FAT3: variants seen among roughly 807,000 people sequenced by gnomAD.
FAT3 encodes the protein FAT atypical cadherin 3, also known as protocadherin Fat 3.
Under a neutral mutation model 310.2 loss-of-function variants are expected in FAT3, and 95 were observed. The observed-to-expected ratio is 0.31, with a 90% confidence interval of 0.26 to 0.36. FAT3 has a LOEUF of 0.36. Among genes scored for constraint, FAT3 ranks in the 10% least tolerant of loss-of-function variants. FAT3 has a pLI of 1.00. For missense variants in FAT3, 5,408 were observed against 5,715.6 expected (o/e 0.95, Z 1.74); for synonymous variants, 2,314 against 2,192.9 (o/e 1.06, Z -1.54).
chr11:92,840,624 C>A lies in FAT3; in HGVS notation c.10431C>A (p.His3477Gln). 1 of 1,612,158 alleles carries A rather than the reference C, an allele frequency of 6.2e-7. No homozygotes were observed. The highest frequency in any genetic ancestry group is 2.2e-5 in the East Asian group (1 of 44,846). Residue 3477 changes from histidine to glutamine, a missense_variant, in exon 18 of 28, where the codon CAC becomes CAA. Around this residue, in one of 5 missense-constraint regions of FAT3, gnomAD observed 4,588 missense variants for 4,809.8 expected, o/e 0.95. Coordinates refer to ENST00000525166, the MANE Select transcript of FAT3 (RefSeq NM_001367949.2). ...TGGTGACAGACAGAGACTCCTTTCA[C>A]AATGGGCCTCCCTTTTCATTCTCTA... ...QLVVTDRDSF[H>Q]NGPPFSFSIL...
chr11:92,882,683 A>G (rs2136406727), intron 23 of FAT3, 55 bp from the exon 24 acceptor site: 1 of 1,507,050 alleles, frequency 6.6e-7, no homozygotes, highest in Non-Finnish European at 8.9e-7. Context: ...GTTCCCGTAT[A>G]CCAACGTGTG....
At chr11:92,779,554 A>G (rs546886827) in intron 7 of FAT3, among the ~76,000 whole-genome samples, 2 of 152,300 alleles carry the variant, frequency 1.3e-5, no homozygotes, top group African/African-American at 2.4e-5. Flanking sequence ...GTGTTTACAT[A>G]TATTTATCCT....
chr11:92,716,366 T>C (rs1001895828), intron 4 of FAT3, among the ~76,000 whole-genome samples: 1 of 152,132 alleles, frequency 6.6e-6, no homozygotes, highest in Non-Finnish European at 1.5e-5. Context: ...TGCTAGCAAC[T>C]GACTGCCTAA....
Position 92,844,733 on chromosome 11 carries a change from G to A in FAT3, c.11365+1G>A, listed in dbSNP as rs1357058830. ...AGGAACGTGCGTTGCACCTGCAATGGTGAGTGCAGTTTTGAGTGTTCCCTC... is the reference window on the plus strand; with the variant it reads ...AGGAACGTGCGTTGCACCTGCAATGATGAGTGCAGTTTTGAGTGTTCCCTC... On this transcript the variant is annotated splice_donor_variant, in intron 19 of 27. Coordinates refer to ENST00000525166, the MANE Select transcript of FAT3 (RefSeq NM_001367949.2). LOFTEE classifies it high-confidence loss of function. 6.6e-7 allele frequency: 1 copy of A among 1,514,926 alleles called. No homozygotes were observed. The highest frequency in any genetic ancestry group is 1.3e-5 in the South Asian group (1 of 77,358). 93.8% of individuals were successfully genotyped at this position (1,514,926 alleles called of 1,614,324 possible). A position where few individuals can be genotyped will look rare whatever the true frequency, so the allele number is the denominator to read the frequency against.
At chr11:92,323,453 A>G (rs930930549) in intron 1 of FAT3, among the ~76,000 whole-genome samples, 4 of 151,942 alleles carry the variant, frequency 2.6e-5, no homozygotes, top group Non-Finnish European at 5.9e-5. Context: ...GGATCTTTCT[A>G]TGTTGCCCAG....
chr11:92,729,832 T>A (rs1039016823), intron 4 of FAT3, among the ~76,000 whole-genome samples: 8 of 151,808 alleles, frequency 5.3e-5, no homozygotes, highest in African/African-American at 1.2e-4. Context: ...AAATTTAATT[T>A]AAAAAAAACA....
At chr11:92,551,180 A>G (rs1954802634) in intron 3 of FAT3, among the ~76,000 whole-genome samples, 1 of 152,076 alleles carries the variant, frequency 6.6e-6, no homozygotes, top group South Asian at 2.1e-4. Flanking sequence ...TACCTCAATT[A>G]CAGCAGGTAT....
intron 3 of FAT3, among the ~76,000 whole-genome samples, chr11:92,569,318 G>A (rs1955587365): frequency 6.6e-6 from 1 of 152,178 alleles, no homozygotes; most frequent in African/African-American, 2.4e-5. Context: ...GGAAGTGCAT[G>A]CAAAGCCCTC....
Position 92,354,333 on chromosome 11 carries a change from G to A in FAT3, c.2221G>A (p.Val741Ile), listed in dbSNP as rs777308643. ...SDVAVKEDLPVGANILKIKAY... is the reference protein window; with the variant it reads ...SDVAVKEDLPIGANILKIKAY... ...TGTGGCTGTAAAGGAGGATCTGCCA[G>A]TTGGTGCTAACATTCTGAAGATTAA... Residue 741 changes from valine to isoleucine, a missense_variant, in exon 2 of 28, where the codon GTT (valine) becomes ATT (isoleucine). Around this residue, in one of 5 missense-constraint regions of FAT3, gnomAD observed 4,588 missense variants for 4,809.8 expected, o/e 0.95. Coordinates refer to ENST00000525166, the MANE Select transcript of FAT3 (RefSeq NM_001367949.2). 2 of 1,613,710 alleles carry A rather than the reference G, an allele frequency of 1.2e-6. No individual in the cohort carries two copies. The highest frequency in any genetic ancestry group is 2.7e-5 in the African/African-American group (2 of 74,914).
intron 2 of FAT3, among the ~76,000 whole-genome samples, chr11:92,481,576 G>T (rs1952228560): frequency 6.6e-6 from 1 of 152,122 alleles, no homozygotes; most frequent in Non-Finnish European, 1.5e-5. Flanking sequence ...TATTGCATTG[G>T]TTCAGATAAT....
In FAT3 at chr11:92,511,100, C is replaced by T. The variant is rs150367542; in HGVS notation, c.3293-13534C>T. Among the ~76,000 whole-genome samples, 295 of 152,320 alleles carry T rather than the reference C, an allele frequency of 1.9e-3. 1 individual carries two copies. Among genetic ancestry groups the T allele is most frequent in the African/African-American group, 6.7e-3 (280 of 41,572 alleles). Reference sequence around the variant, plus strand: ...AAGTGCATGATAAAATCAGCTAATGCCTTCATCAAACTATGTCTTTGCTTC... The same window carrying T: ...AAGTGCATGATAAAATCAGCTAATGTCTTCATCAAACTATGTCTTTGCTTC... On this transcript the variant is annotated intron_variant, in intron 2 of 27. Transcript: ENST00000525166.
chr11:92,264,034 T>G (rs1038185281), intron 1 of FAT3, among the ~76,000 whole-genome samples: 2 of 152,150 alleles, frequency 1.3e-5, no homozygotes, highest in Admixed American at 1.3e-4. Flanking sequence ...AATTTACCTA[T>G]AGACATGTAG....
At chr11:92,403,997 T>C (rs1950082655) in intron 2 of FAT3, among the ~76,000 whole-genome samples, 2 of 151,590 alleles carry the variant, frequency 1.3e-5, no homozygotes, top group Non-Finnish European at 2.9e-5. Flanking sequence ...ATTGTGCCAC[T>C]GCACTCCAGC....
chr11:92,668,259 C>T (rs981620536), intron 3 of FAT3, among the ~76,000 whole-genome samples: 2 of 152,180 alleles, frequency 1.3e-5, no homozygotes, highest in Non-Finnish European at 2.9e-5. Flanking sequence ...TAATAGGGCT[C>T]AATTCTGTTA....
intron 2 of FAT3, among the ~76,000 whole-genome samples, chr11:92,367,736 C>G (rs1949065703): frequency 6.6e-6 from 1 of 152,224 alleles, no homozygotes; most frequent in Non-Finnish European, 1.5e-5. Flanking sequence ...ACTGATCATT[C>G]ATCATGTTCC....
rs78456707 is a variant in FAT3, at chr11:92,686,336, T to G, written c.3608-11048T>G. ...AAAGACCTGCTTGGACAGATTCTAA[T>G]GAATAGTTACATAGGCTGTTTGCAA... On this transcript the variant is annotated intron_variant, in intron 3 of 27. Coordinates refer to ENST00000525166, the MANE Select transcript of FAT3 (RefSeq NM_001367949.2). 5.5e-3 allele frequency among the ~76,000 whole-genome samples: 838 copies of G among 152,328 alleles called. 5 individuals carry two copies. The highest frequency in any genetic ancestry group is 0.019 in the African/African-American group (802 of 41,568).
intron 3 of FAT3, among the ~76,000 whole-genome samples, chr11:92,635,967 T>A (rs895645667): frequency 2.6e-5 from 4 of 152,126 alleles, no homozygotes; most frequent in Non-Finnish European, 5.9e-5. Flanking sequence ...TGTTTTGTTT[T>A]GTTTTTGTTT....
Position 92,374,030 on chromosome 11 carries a change from G to GGGGAGA in FAT3, c.3292+18627_3292+18628insGGAGAG, listed in dbSNP as rs149616749. Among the ~76,000 whole-genome samples, 147 of 142,236 alleles carry GGGGAGA rather than the reference G, an allele frequency of 1.0e-3. 1 individual carries two copies. The highest frequency in any genetic ancestry group is 3.6e-3 in the African/African-American group (136 of 37,494). 93.3% of individuals were successfully genotyped at this position (142,236 alleles called of 152,430 possible). A position where few individuals can be genotyped will look rare whatever the true frequency, so the allele number is the denominator to read the frequency against. On this transcript the variant is annotated intron_variant, in intron 2 of 27. Coordinates refer to ENST00000525166, the MANE Select transcript of FAT3 (RefSeq NM_001367949.2). Reference sequence around the variant, plus strand: ...CCAAAGGACTCTCAGACAGAGAGAGGGAGAGAGAGAGAGAGAGAGAGAGAG... The same window carrying GGGGAGA: ...CCAAAGGACTCTCAGACAGAGAGAGGGGGAGAGAGAGAGAGAGAGAGAGAGAGAGAG...
At chr11:92,547,585 G>C (rs972417384) in intron 3 of FAT3, among the ~76,000 whole-genome samples, 1 of 152,118 alleles carries the variant, frequency 6.6e-6, no homozygotes, top group East Asian at 1.9e-4. Context: ...ACCAGCACGA[G>C]GTAGAGGGAG....
Sources: allele counts gnomAD v4.1 joint callset (sites outside exome capture counted in the v4.1 genomes callset), GRCh38; gene constraint gnomAD v4.1.1; regional missense constraint gnomAD v4.1.1; transcripts MANE v1.5; gene names NCBI Gene and HGNC (gene_info 2026-07-23, HGNC 2026-07-21).